CXCR4: variants seen among roughly 807,000 people sequenced by gnomAD.
The protein encoded by CXCR4 is C-X-C chemokine receptor type 4.
A neutral mutation model predicts 22.4 loss-of-function variants in CXCR4; 6 were observed. The ratio of observed to expected loss-of-function variants is 0.27; its 90% confidence interval spans 0.15 to 0.53. CXCR4 has a LOEUF of 0.53. Among genes scored for constraint, CXCR4 ranks in the 20% least tolerant of loss-of-function variants. The pLI is 0.96. For synonymous variants in CXCR4, 155 were observed against 171.7 expected, an observed-to-expected ratio of 0.90 and a Z score of 0.76; for missense variants, 300 against 430.4, an observed-to-expected ratio of 0.70 and a Z score of 2.68.
rs112784269 is a variant in CXCR4, at chr2:136,116,776, C to G, written c.16-864G>C. Among the ~76,000 whole-genome samples the G allele has an allele frequency of 5.8e-3, 889 of 152,284 alleles. 13 individuals carry two copies. The highest frequency in any genetic ancestry group is 0.02 in the African/African-American group (832 of 41,574). ...TCTCCCGGGTGGCTTCCCATTACCC[C>G]GCCACTGATCCAGTTAACCCGGCCG... On this transcript the variant is annotated intron_variant, in intron 1 of 1. Coordinates refer to ENST00000241393, the MANE Select transcript of CXCR4 (RefSeq NM_003467.3).
intron 1 of CXCR4, chr2:136,117,662 C>T (rs1684950702): frequency 5.0e-6 from 1 of 198,958 alleles, no homozygotes; most frequent in African/African-American, 2.4e-5. Context: ...AAGACATCCC[C>T]GCTTCCCCAA....
chr2:136,117,622 C>A (rs2104921388), intron 1 of CXCR4: 1 of 167,930 alleles, frequency 6.0e-6, no homozygotes, highest in South Asian at 1.2e-4. Context: ...CCGCCCTCCG[C>A]CTCTAAATTC....
chr2:136,118,008 T>G, intron 1 of CXCR4, 38 bp downstream of exon 1: 1 of 1,610,730 alleles, frequency 6.2e-7, no homozygotes, highest in African/African-American at 1.3e-5. Flanking sequence ...TTCAAACGTT[T>G]GTACATTTAT....
intron 1 of CXCR4, among the ~76,000 whole-genome samples, chr2:136,116,825 AGGC>A (rs1684908649): frequency 6.6e-6 from 1 of 152,086 alleles, no homozygotes; most frequent in Non-Finnish European, 1.5e-5. Flanking sequence ...GGAAGCCTCC[AGGC>A]GGTGGGCACG....
At chr2:136,117,205 T>C (rs1684921940) in intron 1 of CXCR4, among the ~76,000 whole-genome samples, 1 of 152,046 alleles carries the variant, frequency 6.6e-6, no homozygotes, top group Non-Finnish European at 1.5e-5. Context: ...TACCCGCTCC[T>C]ATCCCCGGAG....
intron 1 of CXCR4, among the ~76,000 whole-genome samples, chr2:136,117,318 C>T (rs1684926654): frequency 6.6e-6 from 1 of 150,420 alleles, no homozygotes; most frequent in Non-Finnish European, 1.5e-5. Context: ...GACCCACTCG[C>T]GGCCGTGGGG....
chr2:136,117,869 T>TCACCCCCCCCC, intron 1 of CXCR4, 177 bp downstream of exon 1: 1 of 170,812 alleles, frequency 5.9e-6, no homozygotes, highest in South Asian at 7.0e-5. Flanking sequence ...CCAATCCTGC[T>TCACCCCCCCCC]CCCCCCCCAC....
At position 136,115,016 on chromosome 2, in the gene CXCR4, G is replaced by A. The variant is rs776152740; in HGVS notation, c.912C>T (p.Phe304=). 6.2e-7 allele frequency: 1 copy of A among 1,614,152 alleles called. No homozygotes were observed. Among genetic ancestry groups the A allele is most frequent in the Non-Finnish European group, 8.5e-7 (1 of 1,180,020 alleles). The change falls in exon 2 of 2, where the codon TTC becomes TTT. Residue 304 remains phenylalanine, a synonymous_variant. Transcript: ENST00000241393. The surrounding 1 kb of genome is among the most constrained non-coding windows in gnomAD (Gnocchi z 6.4). ...HCCLNPILYA[F]LGAKFKTSAQ... is the part of the protein sequence containing the mutation. The stretch of plus-strand genomic sequence containing the variant: ...CAGAGGTTTTAAATTTGGCTCCAAG[G>A]AAAGCATAGAGGATGGGGTTCAGAC...
At chr2:136,116,007 C>G in intron 1 of CXCR4, 95 bp from the exon 2 acceptor site, 1 of 1,600,084 alleles carries the variant, frequency 6.2e-7, no homozygotes, top group Non-Finnish European at 8.5e-7. Context: ...AAAACCAATT[C>G]AGGCTTGCTT....
At position 136,115,951 on chromosome 2, in the gene CXCR4, T is replaced by A; in HGVS notation, c.16-39A>T. On this transcript the variant is annotated intron_variant, in intron 1 of 1. Transcript: ENST00000241393. This position sits in a 1 kb window ranked among gnomAD's most constrained non-coding sequence, Gnocchi z 6.4. Reference sequence around the variant, plus strand: ...AAAGGAATGGACATTCACTTCCAATTCAGCAAGCATTAACCCAGTTAAAAA... The same window carrying A: ...AAAGGAATGGACATTCACTTCCAATACAGCAAGCATTAACCCAGTTAAAAA... The A allele has an allele frequency of 6.2e-7, 1 of 1,614,156 alleles. No individual in the cohort carries two copies. The highest frequency in any genetic ancestry group is 2.2e-5 in the East Asian group (1 of 44,888).
chr2:136,114,713 T>G lies in CXCR4; in HGVS notation c.*156A>C. ...ATGAAACAAAAAAAATTTATATAAA[T>G]AAGTCAATTAAACTTCACAAAAACT... On this transcript the variant is annotated 3_prime_UTR_variant, in exon 2 of 2. Transcript: ENST00000241393. 1 of 671,770 alleles carries G rather than the reference T, an allele frequency of 1.5e-6. No individual in the cohort carries two copies. The highest frequency in any genetic ancestry group is 2.4e-6 in the Non-Finnish European group (1 of 415,004). 41.6% of individuals were successfully genotyped at this position (671,770 alleles called of 1,614,324 possible). A position where few individuals can be genotyped will look rare whatever the true frequency, so the allele number is the denominator to read the frequency against.
chr2:136,117,532 G>C (rs556333652), intron 1 of CXCR4: 1 of 156,326 alleles, frequency 6.4e-6, no homozygotes, highest in African/African-American at 2.4e-5. Context: ...CACGCACCCA[G>C]TGTCAAGAAC....
rs575495658 is a variant in CXCR4 at position 136,116,297 on chromosome 2, G to A, written c.16-385C>T. Reference sequence around the variant, plus strand: ...CACAAAGAGGCCACTCCCAGGCGGCGTGGGGGGTGGGGTGGGTGCTGCTAG... The same window carrying A: ...CACAAAGAGGCCACTCCCAGGCGGCATGGGGGGTGGGGTGGGTGCTGCTAG... On this transcript the variant is annotated intron_variant, in intron 1 of 1. Coordinates refer to ENST00000241393, the MANE Select transcript of CXCR4 (RefSeq NM_003467.3). 19 of 1,083,590 alleles carry A rather than the reference G, an allele frequency of 1.8e-5. No individual in the cohort carries two copies. In the East Asian group the frequency reaches 1.1e-3, roughly 65 times the overall value. 67.1% of individuals were successfully genotyped at this position (1,083,590 alleles called of 1,614,324 possible).
rs769772228 is a variant in CXCR4, at chr2:136,115,346, C to G, written c.582G>C (p.Leu194Phe). ...YICDRFYPND[L>F]WVVVFQFQHI... is the part of the protein sequence containing the mutation. ...GCTGAAACTGGAACACAACCACCCA[C>G]AAGTCATTGGGGTAGAAGCGGTCAC... Residue 194 changes from leucine (L) to phenylalanine (F), a missense_variant, in exon 2 of 2, where the codon TTG becomes TTC. Physicochemically the swap from Leu to Phe is conservative, Grantham distance 22. Around this residue, in one of 3 missense-constraint regions of CXCR4, gnomAD observed 137 missense variants for 153.2 expected, o/e 0.89. Transcript: ENST00000241393. The surrounding 1 kb of genome is among the most constrained non-coding windows in gnomAD (Gnocchi z 6.4). The G allele has an allele frequency of 3.8e-5, 62 of 1,614,080 alleles. No individual in the cohort carries two copies. Among genetic ancestry groups the G allele is most frequent in the Non-Finnish European group, 4.9e-5 (58 of 1,180,044 alleles).
intron 1 of CXCR4, 154 bp downstream of exon 1, chr2:136,117,879 CCCACCCGCACTAT>C: frequency 6.7e-6 from 1 of 148,630 alleles, no homozygotes; most frequent in Non-Finnish European, 1.5e-5. Flanking sequence ...TCCCCCCCCA[CCCACCCGCACTAT>C]ATAGGCATGG....
At chr2:136,116,330 A>G (rs1242232311) in intron 1 of CXCR4, 3 of 728,078 alleles carry the variant, frequency 4.1e-6, no homozygotes, top group Non-Finnish European at 3.5e-6. Flanking sequence ...TAGGAGGGGC[A>G]GTGATTAACT....
At position 136,114,964 on chromosome 2, in the gene CXCR4, T is replaced by C. The variant is rs745632311; in HGVS notation, c.964A>G (p.Arg322Gly). The C allele has an allele frequency of 6.8e-6, 11 of 1,613,912 alleles. No individual in the cohort carries two copies. The Admixed American group carries it at 1.8e-4, about 27-fold the overall frequency. Reference protein sequence around the residue: ...SAQHALTSVSRGSSLKILSKG... With the variant: ...SAQHALTSVSGGSSLKILSKG... Reference sequence around the variant, plus strand: ...GAGAGGATCTTGAGGCTGGACCCTCTGCTCACAGAGGTGAGTGCGTGCTGG... The same window carrying C: ...GAGAGGATCTTGAGGCTGGACCCTCCGCTCACAGAGGTGAGTGCGTGCTGG... Residue 322 changes from arginine (R) to glycine (G), a missense_variant, in exon 2 of 2, where the codon AGA (arginine) becomes GGA (glycine). Around this residue, in one of 3 missense-constraint regions of CXCR4, gnomAD observed 45 missense variants for 89.1 expected, o/e 0.51. Transcript: ENST00000241393.
At chr2:136,116,772 A>AC in intron 1 of CXCR4, among the ~76,000 whole-genome samples, 1 of 151,090 alleles carries the variant, frequency 6.6e-6, no homozygotes. Flanking sequence ...GCTTCCCATT[A>AC]CCCCGCCACT....
chr2:136,116,309 G>A, intron 1 of CXCR4: 1 of 1,019,618 alleles, frequency 9.8e-7, no homozygotes, highest in Non-Finnish European at 1.2e-6. Context: ...GGGGGGTGGG[G>A]TGGGTGCTGC....
Sources: gnomAD v4.1 joint callset for allele counts (sites outside exome capture counted in the v4.1 genomes callset) on GRCh38, gnomAD v4.1.1 for gene constraint, gnomAD v4.1.1 regional missense constraint, Gnocchi (gnomAD v3.1) non-coding constraint, MANE v1.5 for transcripts, NCBI Gene and HGNC (gene_info 2026-07-23, HGNC 2026-07-21) for gene names.